The following CNTNAP2 variants were observed in gnomAD, a reference collection of about 807,000 sequenced individuals.
CNTNAP2 encodes contactin-associated protein-like 2.
CNTNAP2 carries 98 observed loss-of-function variants against 155.2 expected under a neutral mutation model. The ratio of observed to expected loss-of-function variants is 0.63; its 90% confidence interval spans 0.54 to 0.75. CNTNAP2 has a LOEUF of 0.75. Among genes scored for constraint, CNTNAP2 ranks in the 30% least tolerant of loss-of-function variants. CNTNAP2 has a pLI of 0.00. For synonymous variants in CNTNAP2, 651 were observed against 631.2 expected (o/e 1.03, Z -0.47); for missense variants, 1,727 against 1,688.1 (o/e 1.02, Z -0.40).
At chr7:147,960,760 G>T (rs1313477553) in intron 14 of CNTNAP2, among the ~76,000 whole-genome samples, 1 of 151,990 alleles carries the variant, frequency 6.6e-6, no homozygotes, top group Non-Finnish European at 1.5e-5. Context: ...CTCTGTCAAA[G>T]ATGCTGTATC....
chr7:146,885,465 A>G (rs548520694), intron 3 of CNTNAP2, among the ~76,000 whole-genome samples: 3 of 152,280 alleles, frequency 2.0e-5, no homozygotes, highest in East Asian at 3.9e-4. Flanking sequence ...TGGCAAAACA[A>G]GCTCTTATAT....
chr7:148,023,246 G>A (rs1001040277), intron 15 of CNTNAP2, among the ~76,000 whole-genome samples: 1 of 152,128 alleles, frequency 6.6e-6, no homozygotes, highest in African/African-American at 2.4e-5. Context: ...ATAAGCCTGG[G>A]AATAATCAAA....
intron 1 of CNTNAP2, among the ~76,000 whole-genome samples, chr7:146,723,554 G>A (rs533967500): frequency 1.3e-5 from 2 of 152,194 alleles, no homozygotes; most frequent in Admixed American, 6.5e-5. Context: ...TATAGCCAAC[G>A]GTTACATTCA....
At chr7:147,444,675 A>C (rs2116556085) in intron 10 of CNTNAP2, among the ~76,000 whole-genome samples, 1 of 152,246 alleles carries the variant, frequency 6.6e-6, no homozygotes, top group Admixed American at 6.5e-5. Flanking sequence ...ATGTTCCAAA[A>C]AACTCCATGC....
chr7:146,410,522 CA>C (rs1407256092), intron 1 of CNTNAP2, among the ~76,000 whole-genome samples: 1 of 151,986 alleles, frequency 6.6e-6, no homozygotes, highest in Non-Finnish European at 1.5e-5. Flanking sequence ...ATTTTAAATT[CA>C]GGGGGAGACG....
rs1554432111 is a variant in CNTNAP2, at chr7:148,411,947, G to GTGTC, written c.3796+2477_3796+2478insGTCT. ...CCAATATCATGCTTGCTTTATTGTT[G>GTGTC]TATCTTTTTTTGTTGAGATGGGAGT... On this transcript the variant is annotated intron_variant, in intron 23 of 23. Coordinates refer to ENST00000361727, the MANE Select transcript of CNTNAP2 (RefSeq NM_014141.6). Among the ~76,000 whole-genome samples the GTGTC allele has an allele frequency of 4.0e-5, 6 of 151,036 alleles. No homozygotes were observed. In the South Asian group the frequency reaches 8.3e-4, roughly 21 times the overall value.
At chr7:147,725,943 A>T (rs1796633974) in intron 13 of CNTNAP2, among the ~76,000 whole-genome samples, 1 of 152,034 alleles carries the variant, frequency 6.6e-6, no homozygotes, top group Non-Finnish European at 1.5e-5. Flanking sequence ...TGACTGGTGA[A>T]AGCTTTGTAT....
chr7:147,183,426 G>A (rs1018535233), intron 8 of CNTNAP2, among the ~76,000 whole-genome samples: 1 of 152,144 alleles, frequency 6.6e-6, no homozygotes, highest in African/African-American at 2.4e-5. Flanking sequence ...GCAAATCTCA[G>A]ACTTGGAGGA....
At chr7:147,075,046 C>T (rs552622301) in intron 4 of CNTNAP2, among the ~76,000 whole-genome samples, 1 of 152,216 alleles carries the variant, frequency 6.6e-6, no homozygotes, top group South Asian at 2.1e-4. Context: ...TAAGAGTACA[C>T]AGTAATGTTA....
intron 12 of CNTNAP2, among the ~76,000 whole-genome samples, chr7:147,637,210 G>A (rs1795195143): frequency 6.6e-6 from 1 of 152,110 alleles, no homozygotes; most frequent in Non-Finnish European, 1.5e-5. Context: ...ACCTCACCCT[G>A]ACTCCCGTGT....
chr7:146,806,554 G>A (rs554659257), intron 2 of CNTNAP2, among the ~76,000 whole-genome samples: 1 of 151,958 alleles, frequency 6.6e-6, no homozygotes, highest in African/African-American at 2.4e-5. Context: ...ACACAAATGT[G>A]TAGAACCTCA....
chr7:147,170,788 AGAC>A (rs932550741), intron 8 of CNTNAP2, among the ~76,000 whole-genome samples: 55 of 152,256 alleles, frequency 3.6e-4, no homozygotes, highest in African/African-American at 1.3e-3. Context: ...GCTGGGCAGC[AGAC>A]GCTTCACTGT....
intron 4 of CNTNAP2, chr7:147,082,818 C>T (rs1005600462): frequency 3.9e-5 from 6 of 152,062 alleles, no homozygotes; most frequent in Non-Finnish European, 5.9e-5. Flanking sequence ...TTAGTTGACC[C>T]ACTGACCTGA....
chr7:147,584,739 C>G lies in CNTNAP2; in HGVS notation c.1897+22482C>G, dbSNP rs577248706. ...AATTCAGAGCTTCTTGCCTCTTCCT[C>G]TCTGATCCAGAGATGCTGCTGAGAA... On this transcript the variant is annotated intron_variant, in intron 12 of 23. Coordinates refer to ENST00000361727, the MANE Select transcript of CNTNAP2 (RefSeq NM_014141.6). 8.5e-5 allele frequency among the ~76,000 whole-genome samples: 13 copies of G among 152,342 alleles called. No homozygotes were observed. In the South Asian group the frequency reaches 2.3e-3, roughly 27 times the overall value.
chr7:146,579,969 A>G (rs1798586577), intron 1 of CNTNAP2, among the ~76,000 whole-genome samples: 1 of 152,082 alleles, frequency 6.6e-6, no homozygotes, highest in Non-Finnish European at 1.5e-5. Context: ...TCATGATTCT[A>G]CAATTTTAGA....
intron 8 of CNTNAP2, among the ~76,000 whole-genome samples, chr7:147,222,040 T>C (rs917560470): frequency 6.6e-6 from 1 of 152,176 alleles, no homozygotes; most frequent in African/African-American, 2.4e-5. Flanking sequence ...CCTTTAATTT[T>C]ATATAATTTG....
Position 147,353,797 on chromosome 7 carries a change from C to T in CNTNAP2, c.1499-41812C>T, listed in dbSNP as rs184482359. 4.4e-4 allele frequency among the ~76,000 whole-genome samples: 67 copies of T among 152,234 alleles called. 2 individuals are homozygous for T. The highest frequency in any genetic ancestry group is 3.1e-3 in the South Asian group (15 of 4,816). On this transcript the variant is annotated intron_variant, in intron 9 of 23. Coordinates refer to ENST00000361727, the MANE Select transcript of CNTNAP2 (RefSeq NM_014141.6). ...AAGCGTTTATATTTCTCCACATCTT[C>T]TCCAGCATCTGTTGTTTCCTGACTT... is the stretch of plus-strand genomic sequence containing the variant.
chr7:147,785,754 G>T (rs1435746818), intron 13 of CNTNAP2, among the ~76,000 whole-genome samples: 2 of 152,228 alleles, frequency 1.3e-5, no homozygotes, highest in African/African-American at 4.8e-5. Flanking sequence ...CACTTTGGGA[G>T]TCCAAGGCAT....
rs199528714 is a variant in CNTNAP2 at position 148,062,028 on chromosome 7, A to AGTGTGTGT, written c.2384-56049_2384-56042dup. On this transcript the variant is annotated intron_variant, in intron 15 of 23. Transcript: ENST00000361727. ...ATAGATGATAGAGAGAGAGAGAGAGAGTGTGTGTGTGTGTGTGTGTGTGTG... is the reference window on the plus strand; with the variant it reads ...ATAGATGATAGAGAGAGAGAGAGAGAGTGTGTGTGTGTGTGTGTGTGTGTGTGTGTGTG... Among the ~76,000 whole-genome samples the AGTGTGTGT allele has an allele frequency of 7.7e-4, 82 of 106,014 alleles. 1 individual carries two copies. The highest frequency in any genetic ancestry group is 1.7e-3 in the Admixed American group (16 of 9,580). 69.5% of individuals were successfully genotyped at this position (106,014 alleles called of 152,430 possible).
Sources: gnomAD v4.1 joint callset for allele counts (sites outside exome capture counted in the v4.1 genomes callset) on GRCh38, gnomAD v4.1.1 for gene constraint, MANE v1.5 for transcripts, NCBI Gene and HGNC (gene_info 2026-07-23, HGNC 2026-07-21) for gene names.